The following TMEM223 variants were observed in gnomAD, a reference collection of about 807,000 sequenced individuals.
TMEM223 encodes transmembrane protein 223.
A neutral mutation model predicts 14.1 loss-of-function variants in TMEM223; 14 were observed. The ratio of observed to expected loss-of-function variants is 0.99; its 90% CI spans 0.66 to 1.55. TMEM223 has a LOEUF of 1.55. Among genes scored for constraint, TMEM223 ranks in the 40% most tolerant of loss-of-function variants. The probability of loss-of-function intolerance (pLI) is 0.00; values close to 1 mark genes in which losing one functional copy is unlikely to be tolerated. For synonymous variants in TMEM223, 145 were observed against 120.5 expected, an observed-to-expected ratio of 1.20 and a Z score of -1.33; for missense variants, 346 against 269.9, an observed-to-expected ratio of 1.28 and a Z score of -1.97.
chr11:62,782,709 G>T (rs1243641808), downstream of TMEM223: 4 of 1,612,168 alleles, frequency 2.5e-6, no homozygotes, highest in African/African-American at 5.3e-5. Context: ...TGGGGACCTT[G>T]TAAGTGGCCT....
At chr11:62,787,600 T>C (rs923076279), downstream of TMEM223, 2 of 1,438,112 alleles carry the variant, frequency 1.4e-6, no homozygotes, top group African/African-American at 2.9e-5. Context: ...ACTTTCGCTT[T>C]CCGACCGGGC....
intron 1 of TMEM223, among the ~76,000 whole-genome samples, chr11:62,774,862 T>C (rs368063201): frequency 7.0e-6 from 1 of 142,256 alleles, no homozygotes; most frequent in Non-Finnish European, 1.5e-5. Context: ...GGCAGGAGAG[T>C]TGGGGGCAAC....
intron 1 of TMEM223, chr11:62,778,767 T>C: frequency 1.0e-6 from 1 of 982,040 alleles, no homozygotes; most frequent in Non-Finnish European, 1.6e-6. Context: ...AAAGGCTTCT[T>C]GTGGATGTGT....
downstream of TMEM223, chr11:62,787,394 G>GTGC (rs1210800249): frequency 5.8e-6 from 9 of 1,556,216 alleles, no homozygotes; most frequent in Non-Finnish European, 7.8e-6. Context: ...TTTGGGCGGG[G>GTGC]TGCTGCTGCA....
downstream of TMEM223, among the ~76,000 whole-genome samples, chr11:62,784,612 CTTAATT>C (rs1173670772): frequency 5.9e-5 from 9 of 152,072 alleles, no homozygotes; most frequent in Non-Finnish European, 1.3e-4. Flanking sequence ...GGCCTATATT[CTTAATT>C]TTATCATCAA....
downstream of TMEM223, chr11:62,788,946 A>G: frequency 6.8e-7 from 1 of 1,462,206 alleles, no homozygotes; most frequent in Non-Finnish European, 9.3e-7. Flanking sequence ...TTCCTAAGTT[A>G]TCACTAACAC....
chr11:62,782,693 G>A, downstream of TMEM223: 2 of 1,611,936 alleles, frequency 1.2e-6, no homozygotes, highest in Non-Finnish European at 1.7e-6. Context: ...GCTCCCACAG[G>A]ACTCATGGGG....
In TMEM223 at chr11:62,791,973, A is replaced by C; in HGVS notation, c.22T>G (p.Trp8Gly). 1 of 1,557,946 alleles carries C rather than the reference A, an allele frequency of 6.4e-7. No individual in the cohort carries two copies. Among genetic ancestry groups the C allele is most frequent in the Non-Finnish European group, 8.7e-7 (1 of 1,149,232 alleles). MAAPWRR[W>G]PTGLLAVLRP... ...AGCACGGCTAGCAGCCCCGTGGGCC[A>C]TCGCCTCCAAGGCGCCGCCATGGCC... is the stretch of plus-strand genomic sequence containing the variant. The change falls in exon 1 of 2, where the codon TGG becomes GGG. Residue 8 changes from tryptophan to glycine, a missense_variant. Transcript: ENST00000307366.
chr11:62,786,204 T>C, downstream of TMEM223: 2 of 1,572,126 alleles, frequency 1.3e-6, no homozygotes, highest in African/African-American at 2.7e-5. Flanking sequence ...GAAAGGGTCC[T>C]TGAGAGGGAA....
chr11:62,778,941 G>A (rs1043079938), intron 1 of TMEM223: 1 of 1,614,130 alleles, frequency 6.2e-7, no homozygotes, highest in African/African-American at 1.3e-5. Context: ...GCTGTGCTAG[G>A]GGATGATCCG....
At chr11:62,775,439 C>T (rs1233490203) in intron 1 of TMEM223, among the ~76,000 whole-genome samples, 2 of 152,202 alleles carry the variant, frequency 1.3e-5, no homozygotes, top group African/African-American at 4.8e-5. Context: ...CTAGAGAGGG[C>T]AGGAATTATT....
intron 1 of TMEM223, chr11:62,775,739 C>A: frequency 6.4e-7 from 1 of 1,572,858 alleles, no homozygotes; most frequent in Non-Finnish European, 8.6e-7. Flanking sequence ...GGAGGCTGGG[C>A]AGCTTTTCCA....
Position 62,790,047 on chromosome 11 carries a change from A to C in TMEM223, c.*576T>G. The C allele has an allele frequency of 6.2e-7, 1 of 1,607,446 alleles. No homozygotes were observed. The highest frequency in any genetic ancestry group is 1.1e-5 in the South Asian group (1 of 90,400). On this transcript the variant is annotated 3_prime_UTR_variant, in exon 2 of 2. Coordinates refer to ENST00000307366, the MANE Select transcript of TMEM223 (RefSeq NM_001080501.3). Reference sequence around the variant, plus strand: ...TTGGGTCACGCCTTTCCCATTCCTGAAGAATAAGCGGAGTGCTTCCTGCAG... The same window carrying C: ...TTGGGTCACGCCTTTCCCATTCCTGCAGAATAAGCGGAGTGCTTCCTGCAG...
At position 62,791,933 on chromosome 11, in the gene TMEM223, G is replaced by C. The variant is rs201573295; in HGVS notation, c.62C>G (p.Thr21Ser). Residue 21 changes from threonine (T) to serine (S), a missense_variant, in exon 1 of 2, where the codon ACC becomes AGC. Coordinates refer to ENST00000307366, the MANE Select transcript of TMEM223 (RefSeq NM_001080501.3). ...CGTCGTGCCTTGCAGGGGCCGGCAGGTGAGCAGGGGCCGCAGCACGGCTAG... is the reference window on the plus strand; with the variant it reads ...CGTCGTGCCTTGCAGGGGCCGGCAGCTGAGCAGGGGCCGCAGCACGGCTAG... Reference protein sequence around the residue: ...GLLAVLRPLLTCRPLQGTTLQ... With the variant: ...GLLAVLRPLLSCRPLQGTTLQ... The C allele has an allele frequency of 1.9e-6, 3 of 1,596,162 alleles. No homozygotes were observed.
rs1590935002 is a variant in TMEM223, at chr11:62,779,810, G to C, written c.315-5145C>G. On this transcript the variant is annotated intron_variant, in intron 1 of 2. Coordinates refer to the TMEM223 transcript ENST00000528367. ...CTTCCCAAGTAGCTGGGATTACAGG[G>C]GCATACCACCATGCCTGGCTAATTT... 4.0e-5 allele frequency among the ~76,000 whole-genome samples: 6 copies of C among 148,666 alleles called. No homozygotes were observed. The East Asian group carries it at 1.2e-3, about 30-fold the overall frequency.
At chr11:62,787,389 G>A, downstream of TMEM223, 1 of 1,554,138 alleles carries the variant, frequency 6.4e-7, no homozygotes, top group South Asian at 1.2e-5. Context: ...TGGGCTTTGG[G>A]CGGGGTGCTG....
chr11:62,791,452 T>C (rs1374797836), intron 1 of TMEM223, among the ~76,000 whole-genome samples: 3 of 152,146 alleles, frequency 2.0e-5, no homozygotes, highest in Non-Finnish European at 4.4e-5. Context: ...AGACACAGGG[T>C]TTGACGGTGT....
chr11:62,780,872 G>A (rs2084223823), intron 1 of TMEM223, among the ~76,000 whole-genome samples: 1 of 150,904 alleles, frequency 6.6e-6, no homozygotes, highest in South Asian at 2.1e-4. Context: ...AAGAGGCAGA[G>A]GTTGCAATGA....
downstream of TMEM223, among the ~76,000 whole-genome samples, chr11:62,783,408 G>T (rs2084245243): frequency 6.6e-6 from 1 of 152,004 alleles, no homozygotes; most frequent in Non-Finnish European, 1.5e-5. Context: ...CGTGAACCCG[G>T]GAGGCGGAGC....
Sources: allele counts gnomAD v4.1 joint callset (sites outside exome capture counted in the v4.1 genomes callset), GRCh38; gene constraint gnomAD v4.1.1; transcripts MANE v1.5; gene names NCBI Gene and HGNC (gene_info 2026-07-23, HGNC 2026-07-21).